Variants in MMP15 observed in about 807,000 individuals in gnomAD.
MMP15 encodes the protein matrix metallopeptidase 15.
MMP15 carries 36 observed loss-of-function variants against 65.0 expected under a neutral mutation model. The ratio of observed to expected loss-of-function variants is 0.55; its 90% CI spans 0.42 to 0.73. The LOEUF is 0.73. Among genes scored for constraint, MMP15 ranks in the 30% least tolerant of loss-of-function variants. The pLI is 0.00. For missense variants in MMP15, 870 were observed against 987.8 expected, an observed-to-expected ratio of 0.88 and a Z score of 1.60; for synonymous variants, 428 against 410.2, an observed-to-expected ratio of 1.04 and a Z score of -0.52.
rs747929526 is a variant in MMP15 at position 58,043,372 on chromosome 16, G to A, written c.1454+12G>A. The A allele has an allele frequency of 8.7e-6, 14 of 1,601,240 alleles. No individual in the cohort carries two copies. The highest frequency in any genetic ancestry group is 5.6e-5 in the South Asian group (5 of 89,084). On this transcript the variant is annotated intron_variant, in intron 8 of 9. Transcript: ENST00000219271. ...TTCCAAGAGGACAGGTGAGCAGTGC[G>A]TCCCTCCCCTAAGGGGAGAAGGCCC...
intron 4 of MMP15, 134 bp from the exon 5 acceptor site, chr16:58,040,403 C>T: frequency 8.3e-7 from 1 of 1,202,272 alleles, no homozygotes; most frequent in Non-Finnish European, 1.1e-6. Context: ...TTGTTGTAGG[C>T]CGAAAGAGCT....
At chr16:58,043,065 G>C (rs376529104) in intron 7 of MMP15, 145 bp from the exon 8 acceptor site, 2 of 760,192 alleles carry the variant, frequency 2.6e-6, no homozygotes, top group African/African-American at 3.5e-5. Flanking sequence ...TGCAGCATGT[G>C]ATGTGCGGGT....
At chr16:58,044,073 A>G (rs1186449318) in intron 9 of MMP15, among the ~76,000 whole-genome samples, 2 of 152,170 alleles carry the variant, frequency 1.3e-5, no homozygotes, top group African/African-American at 2.4e-5. Context: ...ACCTACAAGG[A>G]AAGCCCTGTC....
chr16:58,042,107 C>A, intron 6 of MMP15, 124 bp from the exon 7 acceptor site: 1 of 1,287,316 alleles, frequency 7.8e-7, no homozygotes. Flanking sequence ...CCACTGCCTG[C>A]CTCAGTATCT....
intron 2 of MMP15, 113 bp downstream of exon 2, chr16:58,037,733 C>G: frequency 6.8e-7 from 1 of 1,460,830 alleles, no homozygotes; most frequent in Non-Finnish European, 9.3e-7. Flanking sequence ...ATAAGAGATG[C>G]CAAATGGTTT....
chr16:58,026,541 C>T, intron 1 of MMP15, 29 bp downstream of exon 1: 4 of 1,302,484 alleles, frequency 3.1e-6, no homozygotes, highest in Middle Eastern at 2.5e-4. Flanking sequence ...CCTTTGGCTG[C>T]GGGCTGGGGG....
rs542368682 is a variant in MMP15, at chr16:58,043,146, CT to C, written c.1304-60del. On this transcript the variant is annotated intron_variant, in intron 7 of 9. Coordinates refer to ENST00000219271, the MANE Select transcript of MMP15 (RefSeq NM_002428.4). Reference sequence around the variant, plus strand: ...GATTTTGTGGGCCCAGAAGAGCATTCTTTTCCCGCACACACCCCTCAGCCCC... The same window carrying C: ...GATTTTGTGGGCCCAGAAGAGCATTCTTTCCCGCACACACCCCTCAGCCCC... The C allele has an allele frequency of 8.0e-4, 1,154 of 1,442,228 alleles. 1 individual carries two copies. Among genetic ancestry groups the C allele is most frequent in the Non-Finnish European group, 1.0e-3 (1,085 of 1,084,292 alleles). 89.3% of individuals were successfully genotyped at this position (1,442,228 alleles called of 1,614,324 possible).
chr16:58,038,396 TA>T lies in MMP15; in HGVS notation c.440+3del. ...GAACAACCACCATCTGACCTTTAGG[TA>T]GGGGGCTCAGCTGCCCAGGGAAGCA... is the stretch of plus-strand genomic sequence containing the variant. On this transcript the variant is annotated splice_donor_region_variant and intron_variant, in intron 3 of 9. Transcript: ENST00000219271. 7 of 1,613,826 alleles carry T rather than the reference TA, an allele frequency of 4.3e-6. No individual in the cohort carries two copies. Among genetic ancestry groups the T allele is most frequent in the Non-Finnish European group, 5.9e-6 (7 of 1,179,900 alleles).
In MMP15 at chr16:58,046,428, T is replaced by C. The variant is rs1959567687; in HGVS notation, c.*982T>C. 6.6e-6 allele frequency: 1 copy of C among 152,296 alleles called. No individual in the cohort carries two copies. Among genetic ancestry groups the C allele is most frequent in the Admixed American group, 6.5e-5 (1 of 15,284 alleles). 9.4% of individuals were successfully genotyped at this position (152,296 alleles called of 1,614,324 possible). ...GTGTCAGGCACTGGGCATGAGGGGT[T>C]CCTCCCCTCCAGCTCCCTGTGCCCC... is the stretch of plus-strand genomic sequence containing the variant. On this transcript the variant is annotated 3_prime_UTR_variant, in exon 10 of 10. Coordinates refer to ENST00000219271, the MANE Select transcript of MMP15 (RefSeq NM_002428.4).
intron 5 of MMP15, chr16:58,041,006 C>A: frequency 2.1e-6 from 1 of 471,660 alleles, no homozygotes; most frequent in Non-Finnish European, 3.9e-6. Flanking sequence ...CCACAAGTGC[C>A]TGGGGGATCC....
rs201908714 is a variant in MMP15 at position 58,042,208 on chromosome 16, C to G, written c.1165-23C>G. On this transcript the variant is annotated intron_variant, in intron 6 of 9. Transcript: ENST00000219271. Reference sequence around the variant, plus strand: ...GCCAAGGCAGCTTGCCTGCGCTGCCCGCTCACACTATGCCCTCCCCAGGGC... The same window carrying G: ...GCCAAGGCAGCTTGCCTGCGCTGCCGGCTCACACTATGCCCTCCCCAGGGC... The G allele has an allele frequency of 1.3e-5, 21 of 1,605,372 alleles. No individual in the cohort carries two copies. The East Asian group carries it at 3.6e-4, about 27-fold the overall frequency.
At chr16:58,034,274 C>T (rs1373247623) in intron 1 of MMP15, among the ~76,000 whole-genome samples, 1 of 152,220 alleles carries the variant, frequency 6.6e-6, no homozygotes, top group Non-Finnish European at 1.5e-5. Context: ...GACTCATCTG[C>T]GCCTTTTGCC....
chr16:58,044,204 G>A (rs1374817350), intron 9 of MMP15, among the ~76,000 whole-genome samples: 2 of 152,198 alleles, frequency 1.3e-5, no homozygotes, highest in Non-Finnish European at 2.9e-5. Context: ...CCAGCTCTTG[G>A]AGAGGCCGAT....
chr16:58,045,696 G>A lies in MMP15; in HGVS notation c.*250G>A, dbSNP rs1459930830. On this transcript the variant is annotated 3_prime_UTR_variant, in exon 10 of 10. Coordinates refer to ENST00000219271, the MANE Select transcript of MMP15 (RefSeq NM_002428.4). ...TAAATGTAGTTCTGCTCCAGACAGG[G>A]AATTAGGCCCCCATCATCCTCTGGC... The A allele has an allele frequency of 5.9e-6, 3 of 506,246 alleles. No individual in the cohort carries two copies. Among genetic ancestry groups the A allele is most frequent in the Non-Finnish European group, 1.0e-5 (3 of 288,948 alleles). The allele number at this position is 506,246 out of a possible 1,614,324, so 31.4% of individuals were successfully genotyped here.
rs1252336758 is a variant in MMP15 at position 58,045,698 on chromosome 16, A to T, written c.*252A>T. 5 of 502,688 alleles carry T rather than the reference A, an allele frequency of 9.9e-6. No homozygotes were observed. The highest frequency in any genetic ancestry group is 1.7e-5 in the Non-Finnish European group (5 of 286,794). The allele number at this position is 502,688 out of a possible 1,614,324, so 31.1% of individuals were successfully genotyped here. On this transcript the variant is annotated 3_prime_UTR_variant, in exon 10 of 10. Coordinates refer to ENST00000219271, the MANE Select transcript of MMP15 (RefSeq NM_002428.4). ...AATGTAGTTCTGCTCCAGACAGGGA[A>T]TTAGGCCCCCATCATCCTCTGGCTT...
intron 1 of MMP15, among the ~76,000 whole-genome samples, chr16:58,031,651 T>C (rs1963890356): frequency 6.6e-6 from 1 of 151,948 alleles, no homozygotes; most frequent in African/African-American, 2.4e-5. Context: ...CCTCAAGACG[T>C]CTTCCTCCTT....
Position 58,026,180 on chromosome 16 carries a change from C to CAG in MMP15, c.-171_-170insAG, listed in dbSNP as rs1963810877. The CAG allele has an allele frequency of 6.9e-5, 46 of 662,626 alleles. 2 individuals carry two copies. The Admixed American group carries it at 1.9e-3, about 28-fold the overall frequency. The allele number at this position is 662,626 out of a possible 1,614,324, so 41.0% of individuals were successfully genotyped here. On this transcript the variant is annotated 5_prime_UTR_variant, in exon 1 of 10. Transcript: ENST00000219271. ...GCTCCCGGACCTGCCCTGCCCGCTTCTCCTCGGGCTTGGGAATTTGCCGAG... is the reference window on the plus strand; with the variant it reads ...GCTCCCGGACCTGCCCTGCCCGCTTCAGTCCTCGGGCTTGGGAATTTGCCGAG...
In MMP15 at chr16:58,041,628, G is replaced by A. The variant is rs1037153021; in HGVS notation, c.922G>A (p.Gly308Ser). Reference protein sequence around the residue: ...GIQQLYGTPDGQPQPTQPLPT... With the variant: ...GIQQLYGTPDSQPQPTQPLPT... ...CTGCCTCTCTGCAGGTACCCCAGAC[G>A]GTCAGCCACAGCCTACCCAGCCTCT... is the stretch of plus-strand genomic sequence containing the variant. Residue 308 changes from glycine to serine, a missense_variant, in exon 6 of 10, where the codon GGT (glycine) becomes AGT (serine). Coordinates refer to ENST00000219271, the MANE Select transcript of MMP15 (RefSeq NM_002428.4). 20 of 1,574,772 alleles carry A rather than the reference G, an allele frequency of 1.3e-5. No homozygotes were observed. The East Asian group carries it at 2.1e-4, about 17-fold the overall frequency.
At chr16:58,041,447 A>G (rs897194294) in intron 5 of MMP15, among the ~76,000 whole-genome samples, 170 bp from the exon 6 acceptor site, 3 of 151,486 alleles carry the variant, frequency 2.0e-5, no homozygotes, top group Non-Finnish European at 4.4e-5. Context: ...AGGGGCTAGA[A>G]GGAGGAGGAC....
Sources: allele counts gnomAD v4.1 joint callset (sites outside exome capture counted in the v4.1 genomes callset), GRCh38; gene constraint gnomAD v4.1.1; transcripts MANE v1.5; gene names NCBI Gene and HGNC (gene_info 2026-07-23, HGNC 2026-07-21).